The following DCDC2 variants were observed in gnomAD, a reference collection of about 807,000 sequenced individuals.
The protein encoded by DCDC2 is doublecortin domain-containing protein 2.
DCDC2 carries 40 observed loss-of-function variants against 50.2 expected under a neutral mutation model. The observed-to-expected ratio is 0.80, with a 90% confidence interval of 0.62 to 1.04. The LOEUF is 1.04. Ranked by LOEUF, DCDC2 falls within the 50% of genes least tolerant of loss-of-function variation. The pLI, the probability that DCDC2 is intolerant of heterozygous loss-of-function variation, is 0.00. For missense variants in DCDC2, 570 were observed against 581.9 expected (o/e 0.98, Z 0.21); for synonymous variants, 234 against 210.6 (o/e 1.11, Z -0.96).
chr6:24,226,127 C>T (rs1220108768), intron 7 of DCDC2, among the ~76,000 whole-genome samples: 3 of 151,842 alleles, frequency 2.0e-5, no homozygotes, highest in East Asian at 2.0e-4. Context: ...ATATTTTAAT[C>T]GGAAATAAAC....
chr6:24,310,328 C>T (rs1759549279), intron 2 of DCDC2, among the ~76,000 whole-genome samples: 1 of 152,062 alleles, frequency 6.6e-6, no homozygotes, highest in Non-Finnish European at 1.5e-5. Flanking sequence ...TGAAATAGTA[C>T]AGCTCCCGGG....
At chr6:24,308,737 T>G (rs945246117) in intron 2 of DCDC2, among the ~76,000 whole-genome samples, 3 of 152,148 alleles carry the variant, frequency 2.0e-5, no homozygotes, top group African/African-American at 7.2e-5. Context: ...AAATTGAAAC[T>G]CTAAAGAAAC....
At chr6:24,182,681 C>T (rs1299317596) in intron 8 of DCDC2, among the ~76,000 whole-genome samples, 1 of 138,390 alleles carries the variant, frequency 7.2e-6, no homozygotes, top group African/African-American at 2.7e-5. Flanking sequence ...TGTGGAGAAA[C>T]TGGAACTCCT....
the DCDC2 span, among the ~76,000 whole-genome samples, chr6:24,371,399 T>C: frequency 1.3e-5 from 2 of 151,812 alleles, no homozygotes; most frequent in Non-Finnish European, 2.9e-5. Context: ...AGCTCAGGAA[T>C]TCAAGAGCAG....
intron 2 of DCDC2, among the ~76,000 whole-genome samples, chr6:24,346,609 G>A (rs1581663856): frequency 6.6e-6 from 1 of 152,082 alleles, no homozygotes; most frequent in African/African-American, 2.4e-5. Flanking sequence ...TATAAATTTA[G>A]CCGGGTGTAG....
chr6:24,185,332 G>A (rs1761167341), intron 8 of DCDC2, among the ~76,000 whole-genome samples: 1 of 152,168 alleles, frequency 6.6e-6, no homozygotes, highest in African/African-American at 2.4e-5. Flanking sequence ...AGCTATTTTA[G>A]TAGTCATCAA....
At chr6:24,302,294 G>GGA (rs1554117694) in intron 2 of DCDC2, among the ~76,000 whole-genome samples, 3 of 138,750 alleles carry the variant, frequency 2.2e-5, no homozygotes, top group Admixed American at 7.2e-5. Flanking sequence ...ATGATCTGTG[G>GGA]AAAAAAAAAA....
intron 8 of DCDC2, among the ~76,000 whole-genome samples, chr6:24,204,090 G>A (rs1360470716): frequency 6.6e-6 from 1 of 152,094 alleles, no homozygotes; most frequent in African/African-American, 2.4e-5. Flanking sequence ...GATACCTCAA[G>A]GATCTAGAGC....
intron 7 of DCDC2, among the ~76,000 whole-genome samples, chr6:24,246,365 GA>G (rs11316837): frequency 0.04 from 6,066 of 150,424 alleles, 261 homozygotes; most frequent in African/African-American, 0.11. Context: ...AAATTTTAGA[GA>G]AAATAAAATA....
chr6:24,187,161 T>G (rs947125764), intron 8 of DCDC2, among the ~76,000 whole-genome samples: 3 of 151,954 alleles, frequency 2.0e-5, no homozygotes, highest in Non-Finnish European at 4.4e-5. Context: ...CCATCCCTCC[T>G]CTATTTCCTT....
chr6:24,220,923 C>CGAGCGAGAGAGTGAGCGAGAGAGT (rs1304204414), intron 7 of DCDC2, among the ~76,000 whole-genome samples: 1 of 105,332 alleles, frequency 9.5e-6, no homozygotes, highest in African/African-American at 4.7e-5. Context: ...AGCGAGCGAG[C>CGAGCGAGAGAGTGAGCGAGAGAGT]GAGAGCACAT....
intron 8 of DCDC2, among the ~76,000 whole-genome samples, chr6:24,190,708 A>G (rs1025509393): frequency 3.3e-5 from 5 of 152,212 alleles, no homozygotes; most frequent in Non-Finnish European, 7.3e-5. Context: ...CTTACTGACA[A>G]TGCATAGATA....
At chr6:24,293,874 A>C (rs1260972208) in intron 4 of DCDC2, among the ~76,000 whole-genome samples, 1 of 152,244 alleles carries the variant, frequency 6.6e-6, no homozygotes, top group Admixed American at 6.5e-5. Context: ...AAGACTTTAA[A>C]AATTGCTCAA....
chr6:24,280,278 A>G (rs567209708), intron 6 of DCDC2, among the ~76,000 whole-genome samples: 4 of 152,290 alleles, frequency 2.6e-5, no homozygotes, highest in East Asian at 1.9e-4. Flanking sequence ...GTCCAAATCT[A>G]TAACACTTTT....
chr6:24,185,736 C>A (rs1434264405), intron 8 of DCDC2, among the ~76,000 whole-genome samples: 1 of 147,352 alleles, frequency 6.8e-6, no homozygotes, highest in Non-Finnish European at 1.5e-5. Context: ...CATATACACA[C>A]AGATAAAATC....
intron 5 of DCDC2, among the ~76,000 whole-genome samples, chr6:24,289,631 T>C (rs1447814136): frequency 2.0e-5 from 3 of 152,214 alleles, no homozygotes; most frequent in Admixed American, 6.5e-5. Context: ...TTTGATTTCA[T>C]GGATGGGTAA....
At chr6:24,205,269 G>A in intron 7 of DCDC2, 167 bp from the exon 8 acceptor site, 2 of 1,558,196 alleles carry the variant, frequency 1.3e-6, no homozygotes, top group African/African-American at 1.4e-5. Flanking sequence ...ACCCCCAGTT[G>A]TTCCACATTT....
the DCDC2 span, among the ~76,000 whole-genome samples, chr6:24,365,966 C>A: frequency 6.6e-6 from 1 of 151,614 alleles, no homozygotes. Context: ...GACAGGTGCA[C>A]GCCACCAAGC....
intron 2 of DCDC2, among the ~76,000 whole-genome samples, chr6:24,314,725 T>A (rs564135235): frequency 6.6e-6 from 1 of 151,968 alleles, no homozygotes; most frequent in Non-Finnish European, 1.5e-5. Context: ...GCTTACTAGA[T>A]GCCACATTTC....
Sources: gnomAD v4.1 joint callset for allele counts (sites outside exome capture counted in the v4.1 genomes callset) on GRCh38, gnomAD v4.1.1 for gene constraint, MANE v1.5 for transcripts, NCBI Gene and HGNC (gene_info 2026-07-23, HGNC 2026-07-21) for gene names.